The following PRKG1 variants were observed in gnomAD, a reference collection of about 807,000 sequenced individuals.
PRKG1 encodes the protein protein kinase cGMP-dependent 1, also known as cGMP-dependent protein kinase 1.
A neutral mutation model predicts 88.1 loss-of-function variants in PRKG1; 35 were observed. The observed-to-expected ratio is 0.40, with a 90% confidence interval of 0.30 to 0.53. PRKG1 has a LOEUF of 0.53. PRKG1 is among the 20% of genes least tolerant of loss of function. The pLI is 0.59. For missense variants in PRKG1, 540 were observed against 839.8 expected (o/e 0.64, Z 4.41); for synonymous variants, 303 against 292.5 (o/e 1.04, Z -0.37).
intron 3 of PRKG1, among the ~76,000 whole-genome samples, chr10:51,521,940 A>G (rs542443785): frequency 6.5e-4 from 99 of 152,248 alleles, no homozygotes; most frequent in African/African-American, 2.3e-3. Flanking sequence ...TTTCTTTGTA[A>G]TCATTTAATT....
At chr10:52,253,067 G>A (rs1216141235) in intron 10 of PRKG1, among the ~76,000 whole-genome samples, 2 of 151,964 alleles carry the variant, frequency 1.3e-5, no homozygotes, top group Non-Finnish European at 2.9e-5. Flanking sequence ...TGCCATACAG[G>A]ATTTATTTTC....
intron 5 of PRKG1, among the ~76,000 whole-genome samples, chr10:52,010,809 T>C (rs536641544): frequency 6.6e-6 from 1 of 152,286 alleles, no homozygotes; most frequent in Admixed American, 6.5e-5. Context: ...TAGCCTGATT[T>C]TAGGGACAAA....
At chr10:51,931,174 T>C (rs1007575601) in intron 5 of PRKG1, among the ~76,000 whole-genome samples, 4 of 152,206 alleles carry the variant, frequency 2.6e-5, no homozygotes, top group African/African-American at 9.6e-5. Context: ...CTCTGGCACA[T>C]CTGTCTGACA....
intron 3 of PRKG1, among the ~76,000 whole-genome samples, chr10:51,718,034 T>A (rs1302680961): frequency 6.6e-6 from 1 of 152,142 alleles, no homozygotes; most frequent in East Asian, 1.9e-4. Context: ...CATTTAATTA[T>A]TTCTTGTGCA....
At chr10:51,723,369 C>T (rs1022886735) in intron 3 of PRKG1, among the ~76,000 whole-genome samples, 5 of 152,134 alleles carry the variant, frequency 3.3e-5, no homozygotes, top group Non-Finnish European at 7.4e-5. Context: ...AACTAATACA[C>T]GAATAGAAAA....
intron 2 of PRKG1, among the ~76,000 whole-genome samples, chr10:51,422,765 G>A (rs766181954): frequency 9.2e-5 from 14 of 151,782 alleles, no homozygotes; most frequent in Admixed American, 2.6e-4. Flanking sequence ...AGCACTTCAC[G>A]GGCCACACTC....
intron 1 of PRKG1, among the ~76,000 whole-genome samples, chr10:51,122,225 TCC>T (rs973833228): frequency 1.3e-5 from 2 of 152,114 alleles, no homozygotes; most frequent in African/African-American, 4.8e-5. Flanking sequence ...AGCTCTACCA[TCC>T]CACATGTGTA....
At chr10:51,871,753 G>C (rs1319687997) in intron 4 of PRKG1, among the ~76,000 whole-genome samples, 1 of 152,226 alleles carries the variant, frequency 6.6e-6, no homozygotes, top group Non-Finnish European at 1.5e-5. Context: ...GGAGTGCACA[G>C]CATGTAGGTC....
At chr10:51,869,071 C>A (rs1408778690) in intron 4 of PRKG1, among the ~76,000 whole-genome samples, 2 of 152,038 alleles carry the variant, frequency 1.3e-5, no homozygotes, top group East Asian at 1.9e-4. Flanking sequence ...TTTTCAAATT[C>A]TTTCAAACTA....
chr10:51,310,486 G>A (rs1383592147), intron 2 of PRKG1, among the ~76,000 whole-genome samples: 1 of 152,202 alleles, frequency 6.6e-6, no homozygotes, highest in Non-Finnish European at 1.5e-5. Flanking sequence ...GTACTTAGAA[G>A]GAGGAATGTG....
intron 1 of PRKG1, among the ~76,000 whole-genome samples, chr10:51,023,078 A>G (rs539235817): frequency 2.3e-4 from 35 of 152,372 alleles, no homozygotes; most frequent in Admixed American, 1.5e-3. Flanking sequence ...CTGACTAAGT[A>G]GAAAGGCCAT....
chr10:51,845,403 G>T (rs1189001220), intron 4 of PRKG1, among the ~76,000 whole-genome samples: 1 of 152,036 alleles, frequency 6.6e-6, no homozygotes, highest in Non-Finnish European at 1.5e-5. Context: ...TCAAAGTGTT[G>T]ACATTCTTCA....
intron 1 of PRKG1, among the ~76,000 whole-genome samples, chr10:51,033,130 G>T (rs1244665396): frequency 6.6e-6 from 1 of 151,960 alleles, no homozygotes; most frequent in Non-Finnish European, 1.5e-5. Context: ...CTTATCTCCA[G>T]ACATAACTAC....
chr10:51,803,650 A>G (rs1839231970), intron 3 of PRKG1, among the ~76,000 whole-genome samples: 2 of 152,164 alleles, frequency 1.3e-5, no homozygotes, highest in Non-Finnish European at 2.9e-5. Context: ...TGGCTCAATT[A>G]ACTATATCCT....
intron 5 of PRKG1, among the ~76,000 whole-genome samples, chr10:51,920,113 T>C (rs1842431463): frequency 6.6e-6 from 1 of 151,772 alleles, no homozygotes; most frequent in Non-Finnish European, 1.5e-5. Flanking sequence ...GCATGTAGAG[T>C]AGAGGTTGCT....
chr10:51,287,194 C>T (rs1840464231), intron 2 of PRKG1, among the ~76,000 whole-genome samples: 1 of 152,126 alleles, frequency 6.6e-6, no homozygotes, highest in Admixed American at 6.6e-5. Context: ...CATAGCCTTA[C>T]ACAATCTTTA....
rs573899390 is a variant in PRKG1 at position 51,700,425 on chromosome 10, AT to A, written c.593-104157del. ...TGGCTTCAGAGTATGGAATAAAGAA[AT>A]TTACTTAACTATCCCTACGTTGATT... On this transcript the variant is annotated intron_variant, in intron 3 of 17. Transcript: ENST00000373980. 1.4e-4 allele frequency among the ~76,000 whole-genome samples: 21 copies of A among 152,360 alleles called. No homozygotes were observed. In the South Asian group the frequency reaches 4.1e-3, roughly 30 times the overall value.
intron 3 of PRKG1, among the ~76,000 whole-genome samples, chr10:51,502,982 G>A (rs2132045430): frequency 6.6e-6 from 1 of 152,176 alleles, no homozygotes; most frequent in Admixed American, 6.6e-5. Flanking sequence ...AGACAGAAAT[G>A]GATTTTTAGG....
At chr10:52,220,887 T>C (rs895378820) in intron 9 of PRKG1, among the ~76,000 whole-genome samples, 1 of 152,178 alleles carries the variant, frequency 6.6e-6, no homozygotes, top group African/African-American at 2.4e-5. Context: ...TCTGTATACA[T>C]GTGTCTTTAT....
Sources: gnomAD v4.1 joint callset for allele counts (sites outside exome capture counted in the v4.1 genomes callset) on GRCh38, gnomAD v4.1.1 for gene constraint, MANE v1.5 for transcripts, NCBI Gene and HGNC (gene_info 2026-07-23, HGNC 2026-07-21) for gene names.